Variants in YY1AP1 observed in about 807,000 individuals in gnomAD.
YY1AP1 encodes the protein YY1 associated protein 1, also known as YY1-associated protein 1.
YY1AP1 carries 43 observed loss-of-function variants against 39.9 expected under a neutral mutation model. The observed-to-expected ratio is 1.08, with a 90% confidence interval of 0.84 to 1.39. The LOEUF is 1.39. YY1AP1 is among the 40% of genes most tolerant of loss of function. YY1AP1 has a pLI of 0.00. For synonymous variants in YY1AP1, 292 were observed against 331.3 expected, an observed-to-expected ratio of 0.88 and a Z score of 1.29; for missense variants, 813 against 900.7, an observed-to-expected ratio of 0.90 and a Z score of 1.25.
intron 2 of YY1AP1, 102 bp from the exon 3 acceptor site, chr1:155,680,558 G>A (rs1471765272): frequency 2.0e-5 from 20 of 1,009,140 alleles, no homozygotes; most frequent in African/African-American, 6.4e-5. Flanking sequence ...GGCATCTGAC[G>A]AATTCTTCAT....
In YY1AP1 at chr1:155,661,299, G is replaced by A. The variant is rs1258789353; in HGVS notation, c.996+8C>T. 1 of 1,613,746 alleles carries A rather than the reference G, an allele frequency of 6.2e-7. No homozygotes were observed. Among genetic ancestry groups the A allele is most frequent in the East Asian group, 2.2e-5 (1 of 44,892 alleles). On this transcript the variant is annotated splice_region_variant and intron_variant, in intron 10 of 10. Coordinates refer to ENST00000355499, the MANE Select transcript of YY1AP1 (RefSeq NM_139119.3). Reference sequence around the variant, plus strand: ...GCCTCCTACAGACTTCGAGGAAGAGGGCTGTACCTTTAACCAGAATGGGAG... The same window carrying A: ...GCCTCCTACAGACTTCGAGGAAGAGAGCTGTACCTTTAACCAGAATGGGAG...
At chr1:155,682,807 T>C (rs1571362740) in intron 2 of YY1AP1, among the ~76,000 whole-genome samples, 1 of 151,762 alleles carries the variant, frequency 6.6e-6, no homozygotes, top group Non-Finnish European at 1.5e-5. Context: ...TTTGCTCTTC[T>C]GGGCGTGGTG....
At chr1:155,668,233 G>A (rs1179823881) in intron 9 of YY1AP1, among the ~76,000 whole-genome samples, 6 of 151,914 alleles carry the variant, frequency 3.9e-5, no homozygotes, top group East Asian at 1.9e-4. Context: ...CCCGGGAGGC[G>A]GAAGCTGCAG....
intron 9 of YY1AP1, among the ~76,000 whole-genome samples, chr1:155,661,698 C>T (rs555436040): frequency 6.6e-6 from 1 of 152,322 alleles, no homozygotes; most frequent in South Asian, 2.1e-4. Flanking sequence ...CTCTGTCGCC[C>T]AGGATGGAGT....
At chr1:155,661,657 T>A (rs540242327) in intron 9 of YY1AP1, among the ~76,000 whole-genome samples, 8 of 152,182 alleles carry the variant, frequency 5.3e-5, no homozygotes, top group Non-Finnish European at 1.0e-4. Context: ...TTTATAGTTA[T>A]TCAGTATTTT....
intron 9 of YY1AP1, among the ~76,000 whole-genome samples, chr1:155,668,417 G>A (rs757069233): frequency 1.3e-5 from 2 of 151,920 alleles, no homozygotes; most frequent in Non-Finnish European, 2.9e-5. Context: ...ATGGATTTGT[G>A]GAATCTTTTA....
At chr1:155,662,980 G>C (rs1362981827) in intron 9 of YY1AP1, among the ~76,000 whole-genome samples, 3 of 150,362 alleles carry the variant, frequency 2.0e-5, no homozygotes, top group Admixed American at 2.0e-4. Flanking sequence ...ACTCCAGCCT[G>C]GGCAACAGAG....
intron 8 of YY1AP1, among the ~76,000 whole-genome samples, chr1:155,669,895 C>T (rs897666064): frequency 3.3e-5 from 5 of 152,122 alleles, no homozygotes; most frequent in Non-Finnish European, 5.9e-5. Context: ...TGGTGGCACA[C>T]GCTTGTGGTC....
At chr1:155,684,373 G>A (rs1651929097) in intron 2 of YY1AP1, among the ~76,000 whole-genome samples, 1 of 152,040 alleles carries the variant, frequency 6.6e-6, no homozygotes, top group Admixed American at 6.6e-5. Context: ...TACGTTTTGA[G>A]AAAAATAACA....
Sources: gnomAD v4.1 joint callset for allele counts (sites outside exome capture counted in the v4.1 genomes callset) on GRCh38, gnomAD v4.1.1 for gene constraint, MANE v1.5 for transcripts, NCBI Gene and HGNC (gene_info 2026-07-23, HGNC 2026-07-21) for gene names.